DSCAM: variants seen among roughly 807,000 people sequenced by gnomAD.
DSCAM encodes the protein DS cell adhesion molecule.
In DSCAM, 47 loss-of-function variants were observed where a neutral mutation model predicts 217.7. That is an observed-to-expected ratio of 0.22 (90% confidence interval 0.17 to 0.28). The LOEUF (loss-of-function observed/expected upper bound fraction) is 0.28, where lower values mean the gene tolerates loss of function less well. Among genes scored for constraint, DSCAM ranks in the 10% least tolerant of loss-of-function variants. DSCAM has a pLI of 1.00. For missense variants in DSCAM, 2,080 were observed against 2,618.3 expected, an observed-to-expected ratio of 0.79 and a Z score of 4.49; for synonymous variants, 1,056 against 1,015.3, an observed-to-expected ratio of 1.04 and a Z score of -0.76.
chr21:40,835,667 AT>A (rs2092050091), intron 1 of DSCAM, among the ~76,000 whole-genome samples: 1 of 152,210 alleles, frequency 6.6e-6, no homozygotes. Flanking sequence ...AGGGAAAGTT[AT>A]TTTTAATATT....
intron 2 of DSCAM, among the ~76,000 whole-genome samples, chr21:40,707,431 A>C (rs2146480657): frequency 6.6e-6 from 1 of 152,302 alleles, no homozygotes; most frequent in South Asian, 2.1e-4. Flanking sequence ...ACAAAGATCA[A>C]AATATAGTTG....
intron 1 of DSCAM, among the ~76,000 whole-genome samples, chr21:40,748,533 G>A (rs978991551): frequency 2.0e-5 from 3 of 151,944 alleles, no homozygotes; most frequent in African/African-American, 7.2e-5. Context: ...AACCAAGGAG[G>A]TGAAAAATCC....
chr21:40,256,331 G>A (rs1489820505), intron 11 of DSCAM, among the ~76,000 whole-genome samples: 1 of 151,816 alleles, frequency 6.6e-6, no homozygotes, highest in African/African-American at 2.4e-5. Flanking sequence ...GAACTTTTAG[G>A]CCACTAATAT....
chr21:40,465,079 C>G (rs1274999677), intron 3 of DSCAM, among the ~76,000 whole-genome samples: 1 of 152,120 alleles, frequency 6.6e-6, no homozygotes, highest in East Asian at 1.9e-4. Context: ...TTGTTTTCGT[C>G]TGTTTAAAAT....
At chr21:40,819,027 G>A (rs781268569) in intron 1 of DSCAM, among the ~76,000 whole-genome samples, 3 of 152,286 alleles carry the variant, frequency 2.0e-5, no homozygotes, top group East Asian at 1.9e-4. Flanking sequence ...GCCCATTTGC[G>A]TAACAGCCAT....
chr21:40,587,175 G>C (rs1007906444), intron 3 of DSCAM, among the ~76,000 whole-genome samples: 2 of 152,084 alleles, frequency 1.3e-5, no homozygotes, highest in Non-Finnish European at 2.9e-5. Context: ...ATATGAAAAA[G>C]GATATGTATC....
chr21:40,281,822 C>T (rs1346078945), intron 10 of DSCAM, among the ~76,000 whole-genome samples: 2 of 152,122 alleles, frequency 1.3e-5, no homozygotes, highest in African/African-American at 2.4e-5. Context: ...ATCCCTTACC[C>T]ATTTTTCTAC....
At chr21:40,090,065 A>G (rs1178243248) in intron 21 of DSCAM, among the ~76,000 whole-genome samples, 1 of 151,830 alleles carries the variant, frequency 6.6e-6, no homozygotes, top group Non-Finnish European at 1.5e-5. Flanking sequence ...CTATCCCCAA[A>G]TTGCCTAATG....
intron 16 of DSCAM, among the ~76,000 whole-genome samples, chr21:40,157,266 G>T (rs973557272): frequency 2.0e-5 from 3 of 152,198 alleles, no homozygotes; most frequent in Non-Finnish European, 4.4e-5. Flanking sequence ...AGACTGCAGG[G>T]CCTACAAAGC....
chr21:40,082,699 GA>G (rs35477822), intron 24 of DSCAM, among the ~76,000 whole-genome samples: 66,308 of 137,908 alleles, frequency 0.48, 14,895 homozygotes, highest in South Asian at 0.67. Flanking sequence ...TTTCCTAAAA[GA>G]AAAAAAAAAA....
chr21:40,028,530 G>T (rs1327835522), intron 32 of DSCAM, among the ~76,000 whole-genome samples: 1 of 152,010 alleles, frequency 6.6e-6, no homozygotes, highest in Non-Finnish European at 1.5e-5. Context: ...CTCCAAGCCA[G>T]GTGCGGGATA....
intron 3 of DSCAM, among the ~76,000 whole-genome samples, chr21:40,417,946 C>T (rs2075387694): frequency 6.6e-6 from 1 of 151,554 alleles, no homozygotes; most frequent in Non-Finnish European, 1.5e-5. Flanking sequence ...TATGAAGCCC[C>T]TTGCCCTCAG....
chr21:40,203,263 T>C (rs1421082491), intron 11 of DSCAM, among the ~76,000 whole-genome samples: 1 of 152,264 alleles, frequency 6.6e-6, no homozygotes, highest in Non-Finnish European at 1.5e-5. Flanking sequence ...TCTGGCTTCT[T>C]TCCTTCCACC....
At chr21:40,054,659 G>C (rs895356118) in intron 29 of DSCAM, among the ~76,000 whole-genome samples, 7 of 152,214 alleles carry the variant, frequency 4.6e-5, no homozygotes, top group Non-Finnish European at 8.8e-5. Context: ...CCTGCCTCAG[G>C]GTGTTTCCAT....
chr21:40,428,313 C>T (rs1260932858), intron 3 of DSCAM, among the ~76,000 whole-genome samples: 1 of 146,538 alleles, frequency 6.8e-6, no homozygotes, highest in Non-Finnish European at 1.5e-5. Flanking sequence ...TCTTGGTGTC[C>T]AGGCTGGAGG....
chr21:40,660,951 T>C (rs1244466463), intron 3 of DSCAM, among the ~76,000 whole-genome samples: 1 of 152,146 alleles, frequency 6.6e-6, no homozygotes, highest in African/African-American at 2.4e-5. Context: ...GACATCACCT[T>C]CTCTCCCTTC....
chr21:40,145,475 T>A (rs909731896), intron 16 of DSCAM, among the ~76,000 whole-genome samples: 1 of 152,120 alleles, frequency 6.6e-6, no homozygotes, highest in African/African-American at 2.4e-5. Flanking sequence ...ACCCTGCTGA[T>A]GTGAAGATGG....
intron 1 of DSCAM, among the ~76,000 whole-genome samples, chr21:40,751,668 A>G (rs2091230517): frequency 6.6e-6 from 1 of 152,120 alleles, no homozygotes; most frequent in African/African-American, 2.4e-5. Context: ...GTTAACAAGG[A>G]GTTCAGGAGA....
intron 3 of DSCAM, among the ~76,000 whole-genome samples, chr21:40,412,047 T>C (rs1400514645): frequency 6.6e-6 from 1 of 152,196 alleles, no homozygotes; most frequent in Non-Finnish European, 1.5e-5. Context: ...CCCGTTTCAT[T>C]TGGCATTCAT....
Sources: allele counts gnomAD v4.1 joint callset (sites outside exome capture counted in the v4.1 genomes callset), GRCh38; gene constraint gnomAD v4.1.1; transcripts MANE v1.5; gene names NCBI Gene and HGNC (gene_info 2026-07-23, HGNC 2026-07-21).